SORCS1: variants seen among roughly 807,000 people sequenced by gnomAD.
SORCS1 encodes the protein VPS10 domain-containing receptor SorCS1.
Under a neutral mutation model 146.1 loss-of-function variants are expected in SORCS1, and 60 were observed. The observed-to-expected ratio is 0.41, with a 90% confidence interval of 0.33 to 0.51. SORCS1 has a LOEUF of 0.51. Among genes scored for constraint, SORCS1 ranks in the 20% least tolerant of loss-of-function variants. The pLI, the probability that SORCS1 is intolerant of heterozygous loss-of-function variation, is 0.21. For synonymous variants in SORCS1, 637 were observed against 584.0 expected (o/e 1.09, Z -1.31); for missense variants, 1,352 against 1,487.6 (o/e 0.91, Z 1.50).
intron 8 of SORCS1, among the ~76,000 whole-genome samples, chr10:106,702,304 A>G (rs986078619): frequency 6.6e-6 from 1 of 152,222 alleles, no homozygotes; most frequent in Non-Finnish European, 1.5e-5. Context: ...AAGATGCAGC[A>G]TCATCCCTGA....
chr10:106,698,000 T>C (rs1853837955), intron 9 of SORCS1, among the ~76,000 whole-genome samples: 1 of 152,208 alleles, frequency 6.6e-6, no homozygotes, highest in South Asian at 2.1e-4. Flanking sequence ...TATGAAAGTA[T>C]GAAAAAGTTT....
At chr10:106,713,883 T>G (rs1855172509) in intron 6 of SORCS1, among the ~76,000 whole-genome samples, 1 of 152,114 alleles carries the variant, frequency 6.6e-6, no homozygotes, top group Non-Finnish European at 1.5e-5. Flanking sequence ...CACCTTAATA[T>G]TTTTGTGTGG....
chr10:106,712,749 A>G (rs1258900713), intron 6 of SORCS1, among the ~76,000 whole-genome samples: 1 of 152,206 alleles, frequency 6.6e-6, no homozygotes, highest in Non-Finnish European at 1.5e-5. Flanking sequence ...AACACACTTA[A>G]AAAGACTAGT....
intron 1 of SORCS1, among the ~76,000 whole-genome samples, chr10:107,059,302 T>G (rs765758357): frequency 1.3e-5 from 2 of 152,186 alleles, no homozygotes; most frequent in Non-Finnish European, 2.9e-5. Context: ...TCAGCAACAG[T>G]GACAAATGCA....
chr10:106,850,221 T>C (rs181861501), intron 2 of SORCS1, among the ~76,000 whole-genome samples: 2,583 of 152,058 alleles, frequency 0.017, 88 homozygotes, highest in African/African-American at 0.059. Flanking sequence ...CAGACTGCTG[T>C]GCTAGCAATC....
At chr10:106,726,937 T>G (rs1456991230) in intron 6 of SORCS1, among the ~76,000 whole-genome samples, 1 of 151,878 alleles carries the variant, frequency 6.6e-6, no homozygotes, top group Non-Finnish European at 1.5e-5. Context: ...ATACAAAAAA[T>G]TAGCCGGGCG....
chr10:107,052,984 A>T (rs1054203578), intron 1 of SORCS1, among the ~76,000 whole-genome samples: 1 of 152,164 alleles, frequency 6.6e-6, no homozygotes, highest in African/African-American at 2.4e-5. Flanking sequence ...TACTTTAAGG[A>T]TGTAATCCAC....
At chr10:107,024,421 T>C (rs1958303414) in intron 1 of SORCS1, among the ~76,000 whole-genome samples, 3 of 152,136 alleles carry the variant, frequency 2.0e-5, no homozygotes, top group Admixed American at 6.5e-5. Context: ...GGACTCATTA[T>C]TACCAAGATG....
chr10:107,056,358 G>A (rs1022294627), intron 1 of SORCS1, among the ~76,000 whole-genome samples: 8 of 152,182 alleles, frequency 5.3e-5, no homozygotes, highest in African/African-American at 2.4e-5. Context: ...CACGATCACT[G>A]CCCCACCTTG....
intron 2 of SORCS1, among the ~76,000 whole-genome samples, chr10:106,851,799 C>T (rs1292636645): frequency 6.6e-6 from 1 of 152,194 alleles, no homozygotes. Context: ...GAAGAACTGA[C>T]ATCTTGGCAA....
intron 21 of SORCS1, 89 bp from the exon 22 acceptor site, chr10:106,612,112 GT>G (rs1240961789): frequency 2.0e-6 from 2 of 1,009,022 alleles, no homozygotes; most frequent in Non-Finnish European, 3.0e-6. Context: ...AAAATGGAGG[GT>G]CCTTCCCCTT....
chr10:107,103,237 C>A (rs987186804), intron 1 of SORCS1, among the ~76,000 whole-genome samples: 2 of 152,192 alleles, frequency 1.3e-5, no homozygotes, highest in Non-Finnish European at 2.9e-5. Context: ...ATCATCTCTG[C>A]GTTACATTTC....
rs1564782712 is a variant in SORCS1 at position 106,617,204 on chromosome 10, C to G, written c.2920+945G>C. 2.6e-5 allele frequency among the ~76,000 whole-genome samples: 4 copies of G among 152,034 alleles called. No individual in the cohort carries two copies. In the South Asian group the frequency reaches 8.3e-4, roughly 32 times the overall value. ...TCCTGACCTCAGGTGACCCACCCGC[C>G]TCGGCCTCCCAGTGCTGCGATTACA... On this transcript the variant is annotated intron_variant, in intron 21 of 25. Transcript: ENST00000263054.
chr10:106,974,059 G>A (rs1341555244), intron 1 of SORCS1, among the ~76,000 whole-genome samples: 1 of 152,186 alleles, frequency 6.6e-6, no homozygotes, highest in Non-Finnish European at 1.5e-5. Flanking sequence ...GGTTAAATGA[G>A]CACCTACTTG....
rs556239147 is a variant in SORCS1, at chr10:106,747,141, G to A, written c.959+14447C>T. ...TTTACCATAAATCTCATAAACGCAG[G>A]TTCTGTCCCTCACCCCAGGGCACAT... On this transcript the variant is annotated intron_variant, in intron 5 of 25. Transcript: ENST00000263054. Among the ~76,000 whole-genome samples, 7 of 152,264 alleles carry A rather than the reference G, an allele frequency of 4.6e-5. No homozygotes were observed. In the South Asian group the frequency reaches 1.2e-3, roughly 27 times the overall value.
At chr10:106,710,202 A>C (rs1276205627) in intron 6 of SORCS1, among the ~76,000 whole-genome samples, 1 of 152,210 alleles carries the variant, frequency 6.6e-6, no homozygotes, top group Non-Finnish European at 1.5e-5. Flanking sequence ...TAATCCCAGC[A>C]CTTTGGGAGG....
intron 2 of SORCS1, among the ~76,000 whole-genome samples, chr10:106,909,132 G>A (rs1952033480): frequency 1.3e-5 from 2 of 152,120 alleles, no homozygotes; most frequent in African/African-American, 2.4e-5. Flanking sequence ...GGTATCCTAG[G>A]CTCCTTGATG....
intron 1 of SORCS1, among the ~76,000 whole-genome samples, chr10:107,142,440 T>C (rs1453855496): frequency 1.3e-5 from 2 of 152,232 alleles, no homozygotes; most frequent in Non-Finnish European, 2.9e-5. Flanking sequence ...TCTCAAGTAC[T>C]AGTGTGAGAA....
chr10:106,862,089 C>G (rs1046519575), intron 2 of SORCS1, among the ~76,000 whole-genome samples: 2 of 152,160 alleles, frequency 1.3e-5, no homozygotes, highest in Non-Finnish European at 2.9e-5. Context: ...TTGGAGACAA[C>G]TGGACCAGCT....
Sources: allele counts gnomAD v4.1 joint callset (sites outside exome capture counted in the v4.1 genomes callset), GRCh38; gene constraint gnomAD v4.1.1; transcripts MANE v1.5; gene names NCBI Gene and HGNC (gene_info 2026-07-23, HGNC 2026-07-21).